Variants in DENND5B observed in about 807,000 individuals in gnomAD.
DENND5B encodes DENN domain-containing protein 5B.
In DENND5B, 34 loss-of-function variants were observed where a neutral mutation model predicts 140.6. The observed-to-expected ratio is 0.24, with a 90% CI of 0.18 to 0.32. The LOEUF is 0.32. DENND5B is among the 10% of genes least tolerant of loss of function. The pLI, the probability that DENND5B is intolerant of heterozygous loss-of-function variation, is 1.00. For missense variants in DENND5B, 1,142 were observed against 1,560.2 expected (o/e 0.73, Z 4.52); for synonymous variants, 551 against 562.1 (o/e 0.98, Z 0.28).
intron 1 of DENND5B, among the ~76,000 whole-genome samples, chr12:31,539,930 G>A (rs932062314): frequency 2.6e-5 from 4 of 152,098 alleles, no homozygotes; most frequent in African/African-American, 9.7e-5. Context: ...AAAGGAAGGA[G>A]TCAAGTTATC....
Position 31,590,977 on chromosome 12 carries a change from G to A in DENND5B, c.-145C>T. The A allele has an allele frequency of 2.2e-6, 2 of 894,982 alleles. No homozygotes were observed. The highest frequency in any genetic ancestry group is 2.7e-6 in the Non-Finnish European group (2 of 730,438). The allele number at this position is 894,982 out of a possible 1,614,324, so 55.4% of individuals were successfully genotyped here. ...CATGGCCGCGCAGCCGCCTCTCGCC[G>A]CCGCAGCCTGCCTCCTCGCTCGGCG... On this transcript the variant is annotated 5_prime_UTR_variant, in exon 1 of 21. Transcript: ENST00000389082.
intron 7 of DENND5B, among the ~76,000 whole-genome samples, chr12:31,435,851 G>C (rs1031094927): frequency 1.3e-5 from 2 of 151,992 alleles, no homozygotes; most frequent in Non-Finnish European, 2.9e-5. Flanking sequence ...AGTAGAGATG[G>C]GGTTTCACCA....
At chr12:31,391,692 G>A (rs961958641) in intron 19 of DENND5B, among the ~76,000 whole-genome samples, 2 of 151,852 alleles carry the variant, frequency 1.3e-5, no homozygotes, top group African/African-American at 4.8e-5. Context: ...TCACTCTGTC[G>A]CCCAGGCTGG....
chr12:31,422,063 T>C (rs1374110256), intron 11 of DENND5B, among the ~76,000 whole-genome samples: 1 of 152,074 alleles, frequency 6.6e-6, no homozygotes, highest in African/African-American at 2.4e-5. Flanking sequence ...TAACAATAAA[T>C]ACTACATTTA....
chr12:31,401,402 C>G (rs1941790373), intron 15 of DENND5B, among the ~76,000 whole-genome samples: 2 of 151,984 alleles, frequency 1.3e-5, no homozygotes, highest in South Asian at 4.2e-4. Context: ...TAAGGCCAAA[C>G]TGGGCTCCTG....
chr12:31,461,980 T>C (rs1220783098), intron 3 of DENND5B, among the ~76,000 whole-genome samples: 1 of 152,218 alleles, frequency 6.6e-6, no homozygotes, highest in Non-Finnish European at 1.5e-5. Flanking sequence ...TAATTTTAAA[T>C]GACTACCTTT....
chr12:31,567,525 T>TG (rs778266873), intron 1 of DENND5B, among the ~76,000 whole-genome samples: 12 of 91,730 alleles, frequency 1.3e-4, no homozygotes, highest in Admixed American at 2.7e-4. Context: ...AGACTCTGTC[T>TG]AAAAAAAAAA....
At chr12:31,464,335 G>C (rs940811518) in intron 3 of DENND5B, among the ~76,000 whole-genome samples, 2 of 152,096 alleles carry the variant, frequency 1.3e-5, no homozygotes, top group Non-Finnish European at 2.9e-5. Flanking sequence ...TGCCTGACTA[G>C]GTTCCACTTT....
At chr12:31,539,603 C>G (rs1160900016) in intron 1 of DENND5B, among the ~76,000 whole-genome samples, 1 of 152,032 alleles carries the variant, frequency 6.6e-6, no homozygotes, top group Non-Finnish European at 1.5e-5. Context: ...GATATATCAT[C>G]ATATCAACAA....
Position 31,426,314 on chromosome 12 carries a change from T to C in DENND5B, c.2217A>G (p.Leu739=), listed in dbSNP as rs372181394. The C allele has an allele frequency of 3.0e-5, 48 of 1,609,018 alleles. No homozygotes were observed. In the African/African-American group the frequency reaches 5.6e-4, roughly 19 times the overall value. The change falls in exon 9 of 21, where the codon TTA becomes TTG. Residue 739 remains leucine (L), a synonymous_variant. Coordinates refer to ENST00000389082, the MANE Select transcript of DENND5B (RefSeq NM_144973.4). ...ATACCTTCATTCTACATTCTTTTAA[T>C]AAGCCTTCTACGAATTTACAGTTGG... ...AQTNCKFVEG[L]LKECRMKTKR...
chr12:31,468,516 G>C lies in DENND5B; in HGVS notation c.905-8135C>G, dbSNP rs565673987. Among the ~76,000 whole-genome samples, 3 of 152,114 alleles carry C rather than the reference G, an allele frequency of 2.0e-5. No individual in the cohort carries two copies. The East Asian group carries it at 5.8e-4, about 29-fold the overall frequency. On this transcript the variant is annotated intron_variant, in intron 3 of 20. Transcript: ENST00000389082. ...TGAAAGTAAAATCTGGTTCTTTAAA[G>C]AGTAATAGGGCTGGGCACAATGGCT... is the stretch of plus-strand genomic sequence containing the variant.
In DENND5B at chr12:31,398,273, T is replaced by C; in HGVS notation, c.3158A>G (p.Asp1053Gly). The C allele has an allele frequency of 6.3e-7, 1 of 1,575,646 alleles. No homozygotes were observed. The change falls in exon 17 of 21, where the codon GAT becomes GGT. Residue 1053 changes from aspartate (D) to glycine (G), a missense_variant. Coordinates refer to ENST00000389082, the MANE Select transcript of DENND5B (RefSeq NM_144973.4). ...LIGELMTSAS[D>G]EDLVKQCRTP... ...CCGACACTGCTTTACTAGATCTTCA[T>C]CTGATGCTGATGTCATCAACTCTCC...
In DENND5B at chr12:31,535,073, CAAAAAAAAAAAAAAA is replaced by C. The variant is rs747166398; in HGVS notation, c.128-39169_128-39155del. 592 of 95,974 alleles carry C rather than the reference CAAAAAAAAAAAAAAA, an allele frequency of 6.2e-3. 8 individuals are homozygous for C. The highest frequency in any genetic ancestry group is 0.036 in the African/African-American group (532 of 14,758). 5.9% of individuals were successfully genotyped at this position (95,974 alleles called of 1,614,324 possible). ...TGGGTGACAGAGCAAGACTCTGTCT[CAAAAAAAAAAAAAAA>C]AAAAAAAAAAAAAAGGCTTTTGTTT... On this transcript the variant is annotated intron_variant, in intron 1 of 20. Coordinates refer to ENST00000389082, the MANE Select transcript of DENND5B (RefSeq NM_144973.4).
intron 1 of DENND5B, among the ~76,000 whole-genome samples, chr12:31,497,255 AACT>A (rs1946796477): frequency 1.3e-5 from 2 of 152,200 alleles, no homozygotes; most frequent in Admixed American, 6.5e-5. Flanking sequence ...TAGGCAACTA[AACT>A]ACTATTTCTA....
At chr12:31,556,235 C>T (rs953316095) in intron 1 of DENND5B, among the ~76,000 whole-genome samples, 1 of 152,122 alleles carries the variant, frequency 6.6e-6, no homozygotes, top group African/African-American at 2.4e-5. Context: ...GATGCAGTCT[C>T]ACTCTGTCAC....
chr12:31,391,182 C>CT (rs1366633568), intron 19 of DENND5B, among the ~76,000 whole-genome samples: 1 of 152,176 alleles, frequency 6.6e-6, no homozygotes, highest in Non-Finnish European at 1.5e-5. Context: ...CCTACTTTCT[C>CT]TCTCTTGCTG....
Position 31,488,112 on chromosome 12 carries a change from T to C in DENND5B, c.237+7698A>G, listed in dbSNP as rs370529733. 1.9e-4 allele frequency among the ~76,000 whole-genome samples: 29 copies of C among 149,116 alleles called. 1 individual carries two copies. In the South Asian group the frequency reaches 5.8e-3, roughly 30 times the overall value. ...CTGGGATTACAAGTGTGTGCGATTA[T>C]AGGCGTGCATACCCGGCTATTTTTT... is the stretch of plus-strand genomic sequence containing the variant. On this transcript the variant is annotated intron_variant, in intron 2 of 20. Coordinates refer to ENST00000389082, the MANE Select transcript of DENND5B (RefSeq NM_144973.4).
rs374343289 is a variant in DENND5B, at chr12:31,402,582, T to C, written c.2865A>G (p.Ser955=). 1 of 1,613,832 alleles carries C rather than the reference T, an allele frequency of 6.2e-7. No individual in the cohort carries two copies. Among genetic ancestry groups the C allele is most frequent in the African/African-American group, 1.3e-5 (1 of 74,950 alleles). Reference sequence around the variant, plus strand: ...CTCCTGATACACAGATCCAAGGGTTTGATGTGATTATTGCATTGCTCAGCT... The same window carrying C: ...CTCCTGATACACAGATCCAAGGGTTCGATGTGATTATTGCATTGCTCAGCT... ...IKKLSNAIIT[S]NPWICVSGEL... is the part of the protein sequence containing the mutation. Residue 955 remains serine (S), a synonymous_variant, in exon 15 of 21, where the codon TCA becomes TCG. Coordinates refer to ENST00000389082, the MANE Select transcript of DENND5B (RefSeq NM_144973.4).
intron 1 of DENND5B, among the ~76,000 whole-genome samples, chr12:31,517,213 T>C (rs1225019393): frequency 6.6e-6 from 1 of 152,254 alleles, no homozygotes; most frequent in Non-Finnish European, 1.5e-5. Flanking sequence ...GTTTCCTACA[T>C]GTATAAACTA....
Sources: allele counts gnomAD v4.1 joint callset (sites outside exome capture counted in the v4.1 genomes callset), GRCh38; gene constraint gnomAD v4.1.1; transcripts MANE v1.5; gene names NCBI Gene and HGNC (gene_info 2026-07-23, HGNC 2026-07-21).